UTRN: variants seen among roughly 807,000 people sequenced by gnomAD.
The protein encoded by UTRN is dystrophin-related protein 1.
A neutral mutation model predicts 463.9 loss-of-function variants in UTRN; 283 were observed. The observed-to-expected ratio is 0.61, with a 90% CI of 0.55 to 0.67. The LOEUF (loss-of-function observed/expected upper bound fraction) is 0.67, where lower values mean the gene tolerates loss of function less well. UTRN is among the 30% of genes least tolerant of loss of function. UTRN has a pLI of 0.00. For missense variants in UTRN, 3,922 were observed against 4,084.3 expected (o/e 0.96, Z 1.08); for synonymous variants, 1,442 against 1,431.5 (o/e 1.01, Z -0.17).
At chr6:144,740,600 C>T (rs755771282) in intron 54 of UTRN, among the ~76,000 whole-genome samples, 20 of 152,194 alleles carry the variant, frequency 1.3e-4, no homozygotes, top group Admixed American at 6.5e-5. Flanking sequence ...CTTTCTTTTC[C>T]GGTGTTCTTA....
chr6:144,510,223 G>A (rs1795058182), intron 34 of UTRN, among the ~76,000 whole-genome samples: 1 of 152,160 alleles, frequency 6.6e-6, no homozygotes, highest in Non-Finnish European at 1.5e-5. Context: ...GATTGAAAGA[G>A]CTTTGTAGTT....
intron 61 of UTRN, among the ~76,000 whole-genome samples, chr6:144,784,960 T>C (rs1254901825): frequency 1.3e-5 from 2 of 152,192 alleles, no homozygotes; most frequent in Non-Finnish European, 2.9e-5. Flanking sequence ...GGAGAGAGTA[T>C]TGGGGATTAA....
intron 51 of UTRN, among the ~76,000 whole-genome samples, chr6:144,625,124 A>T (rs947837061): frequency 1.3e-5 from 2 of 152,240 alleles, no homozygotes; most frequent in Non-Finnish European, 2.9e-5. Flanking sequence ...TACTTTCATT[A>T]GGAAGAAAAT....
chr6:144,373,743 C>T (rs1243442493), intron 2 of UTRN, among the ~76,000 whole-genome samples: 1 of 152,198 alleles, frequency 6.6e-6, no homozygotes, highest in Admixed American at 6.5e-5. Context: ...ACATGGTAAG[C>T]ACTCTATGTG....
rs145147047 is a variant in UTRN at position 144,286,243 on chromosome 6, G to GA, written c.-93+423dup. On this transcript the variant is annotated intron_variant, in intron 1 of 74. Transcript: ENST00000367545. This position sits in a 1 kb window ranked among gnomAD's most constrained non-coding sequence, Gnocchi z 4.4. ...TGCAAGAGGGGACGTGGCCTCTTAG[G>GA]AGAGTCTGTCACAGACACCCGGGCC... 0.043 allele frequency among the ~76,000 whole-genome samples: 6,615 copies of GA among 152,298 alleles called. 471 individuals are homozygous for GA. The highest frequency in any genetic ancestry group is 0.15 in the African/African-American group (6,113 of 41,544).
intron 53 of UTRN, among the ~76,000 whole-genome samples, chr6:144,708,883 G>A (rs2128702545): frequency 6.6e-6 from 1 of 152,264 alleles, no homozygotes; most frequent in African/African-American, 2.4e-5. Flanking sequence ...TCTGATGAGG[G>A]TCTTCCTGCT....
At chr6:144,723,206 CTG>C (rs1787403577) in intron 53 of UTRN, among the ~76,000 whole-genome samples, 1 of 152,104 alleles carries the variant, frequency 6.6e-6, no homozygotes, top group Admixed American at 6.5e-5. Flanking sequence ...CAACTGCAGA[CTG>C]AAATACTTAT....
chr6:144,477,211 G>T (rs543918999), intron 25 of UTRN, among the ~76,000 whole-genome samples: 1 of 152,250 alleles, frequency 6.6e-6, no homozygotes, highest in African/African-American at 2.4e-5. Context: ...TGGAATAATA[G>T]TGAGGCTATA....
At chr6:144,524,291 A>G (rs560505651) in intron 41 of UTRN, among the ~76,000 whole-genome samples, 3 of 152,286 alleles carry the variant, frequency 2.0e-5, no homozygotes, top group South Asian at 4.1e-4. Context: ...AGGCTTGATC[A>G]TTAGATGAAG....
chr6:144,633,161 C>T (rs919473639), intron 51 of UTRN, among the ~76,000 whole-genome samples: 2 of 151,892 alleles, frequency 1.3e-5, no homozygotes, highest in African/African-American at 4.8e-5. Flanking sequence ...AATTATTTTA[C>T]CTATTCCGTC....
intron 51 of UTRN, among the ~76,000 whole-genome samples, chr6:144,625,321 A>G (rs1294569110): frequency 2.6e-5 from 4 of 152,170 alleles, no homozygotes; most frequent in Non-Finnish European, 5.9e-5. Flanking sequence ...CTTACTGGCT[A>G]CCTGTCTTAT....
At chr6:144,568,156 C>A (rs906779730) in intron 50 of UTRN, among the ~76,000 whole-genome samples, 4 of 151,842 alleles carry the variant, frequency 2.6e-5, no homozygotes, top group African/African-American at 9.7e-5. Flanking sequence ...GTCCTTAAAT[C>A]TTTTTTGGGA....
chr6:144,712,164 T>C (rs1785791852), intron 53 of UTRN, among the ~76,000 whole-genome samples: 1 of 152,234 alleles, frequency 6.6e-6, no homozygotes, highest in African/African-American at 2.4e-5. Flanking sequence ...TGCCAGTCTG[T>C]GTTGACTTAC....
At chr6:144,518,264 T>G (rs764923751) in intron 39 of UTRN, among the ~76,000 whole-genome samples, 2 of 152,236 alleles carry the variant, frequency 1.3e-5, no homozygotes, top group Non-Finnish European at 2.9e-5. Context: ...TCATGGCTGA[T>G]CATGTCATTC....
rs532784387 is a variant in UTRN, at chr6:144,541,664, T to C, written c.6520-1131T>C. Among the ~76,000 whole-genome samples the C allele has an allele frequency of 2.6e-5, 4 of 152,294 alleles. No homozygotes were observed. In the East Asian group the frequency reaches 7.7e-4, roughly 29 times the overall value. ...CAGGTATCATTTTAAGAGATAGGAA[T>C]GCATTAAAGAGTGTGGCATTCCTTC... On this transcript the variant is annotated intron_variant, in intron 45 of 74. Coordinates refer to ENST00000367545, the MANE Select transcript of UTRN (RefSeq NM_007124.3).
intron 68 of UTRN, among the ~76,000 whole-genome samples, chr6:144,828,055 TA>T (rs907547034): frequency 3.9e-5 from 6 of 152,154 alleles, no homozygotes; most frequent in African/African-American, 1.4e-4. Flanking sequence ...TGCTTTAGGA[TA>T]GGGGTTTATT....
At chr6:144,347,936 C>T (rs1452400002) in intron 2 of UTRN, among the ~76,000 whole-genome samples, 2 of 151,274 alleles carry the variant, frequency 1.3e-5, no homozygotes, top group African/African-American at 2.5e-5. Context: ...CTTGACCTCC[C>T]AGGCTCAAGT....
intron 40 of UTRN, among the ~76,000 whole-genome samples, chr6:144,522,761 A>G (rs562833967): frequency 9.2e-5 from 14 of 152,158 alleles, no homozygotes; most frequent in African/African-American, 3.4e-4. Context: ...GAAGCCTTTC[A>G]TGTGTTCTGT....
intron 52 of UTRN, among the ~76,000 whole-genome samples, chr6:144,687,427 A>T (rs1427070005): frequency 6.6e-6 from 1 of 152,174 alleles, no homozygotes; most frequent in East Asian, 1.9e-4. Flanking sequence ...GATAAAACAG[A>T]CTTTAAAGTA....
Sources: allele counts gnomAD v4.1 joint callset (sites outside exome capture counted in the v4.1 genomes callset), GRCh38; gene constraint gnomAD v4.1.1; non-coding constraint Gnocchi (gnomAD v3.1); transcripts MANE v1.5; gene names NCBI Gene and HGNC (gene_info 2026-07-23, HGNC 2026-07-21).